BDP1: variants seen among roughly 807,000 people sequenced by gnomAD.
BDP1 encodes BDP1 general transcription factor IIIB subunit.
A neutral mutation model predicts 266.6 loss-of-function variants in BDP1; 169 were observed. The observed-to-expected ratio is 0.63, with a 90% CI of 0.56 to 0.72. The LOEUF is 0.72. Ranked by LOEUF, BDP1 falls within the 30% of genes least tolerant of loss-of-function variation. The pLI is 0.00. For missense variants in BDP1, 3,015 were observed against 3,053.8 expected (o/e 0.99, Z 0.30); for synonymous variants, 1,090 against 1,022.4 (o/e 1.07, Z -1.26).
chr5:71,466,847 AT>A (rs1221872036), intron 5 of BDP1, among the ~76,000 whole-genome samples: 2 of 152,338 alleles, frequency 1.3e-5, no homozygotes, highest in Admixed American at 6.5e-5. Context: ...TAGCATTCAC[AT>A]TCTATAATTA....
downstream of BDP1, among the ~76,000 whole-genome samples, chr5:71,569,472 C>T (rs1170863055): frequency 6.6e-6 from 1 of 152,028 alleles, no homozygotes. Context: ...TAGGGCCAGG[C>T]ACAGTGGCTC....
Position 71,545,208 on chromosome 5 carries a change from C to G in BDP1, c.6733C>G (p.Pro2245Ala), listed in dbSNP as rs367642215. 3.5e-5 allele frequency: 57 copies of G among 1,612,784 alleles called. No homozygotes were observed. Among genetic ancestry groups the G allele is most frequent in the Non-Finnish European group, 4.5e-5 (53 of 1,179,720 alleles). The change falls in exon 32 of 39, where the codon CCT becomes GCT. Residue 2245 changes from proline to alanine, a missense_variant. By Grantham distance (27) the Pro-to-Ala change is conservative. Transcript: ENST00000358731. The part of the protein sequence containing the change: ...DSKGDSVLTL[P>A]VPEYTPTSIP... ...TAAAGGAGACAGTGTGCTTACACTTCCTGTGCCAGAGGTAAAAGAATGTAC... is the reference window on the plus strand; with the variant it reads ...TAAAGGAGACAGTGTGCTTACACTTGCTGTGCCAGAGGTAAAAGAATGTAC...
chr5:71,457,967 G>T (rs1761301166), intron 1 of BDP1, among the ~76,000 whole-genome samples: 1 of 152,080 alleles, frequency 6.6e-6, no homozygotes, highest in South Asian at 2.1e-4. Flanking sequence ...TTTTTTGACT[G>T]AAGTTTATTC....
In BDP1 at chr5:71,545,145, G is replaced by T; in HGVS notation, c.6670G>T (p.Gly2224Cys). Reference protein sequence around the residue: ...PCTLGLDRGLGENSVEEPQIK... With the variant: ...PCTLGLDRGLCENSVEEPQIK... ...CACACTTGGTTTGGATAGGGGTCTT[G>T]GTGAAAATTCTGTTGAAGAGCCCCA... Residue 2224 changes from glycine to cysteine, a missense_variant, in exon 32 of 39, where the codon GGT becomes TGT. Transcript: ENST00000358731. The T allele has an allele frequency of 6.2e-7, 1 of 1,613,698 alleles. No homozygotes were observed. The highest frequency in any genetic ancestry group is 8.5e-7 in the Non-Finnish European group (1 of 1,179,898).
chr5:71,522,178 G>C, intron 22 of BDP1, 111 bp from the exon 23 acceptor site: 1 of 788,478 alleles, frequency 1.3e-6, no homozygotes, highest in Non-Finnish European at 2.1e-6. Flanking sequence ...TTTATATATA[G>C]TCCTTTGAAC....
chr5:71,511,687 T>C (rs1429426773), intron 17 of BDP1, among the ~76,000 whole-genome samples: 1 of 151,990 alleles, frequency 6.6e-6, no homozygotes, highest in Non-Finnish European at 1.5e-5. Flanking sequence ...AAAAAGTCAC[T>C]GTTATTATTA....
intron 34 of BDP1, 127 bp downstream of exon 34, chr5:71,549,733 T>G: frequency 1.3e-6 from 1 of 741,522 alleles, no homozygotes; most frequent in Non-Finnish European, 2.0e-6. Context: ...ATCATTTATG[T>G]GGTAAGTTAG....
chr5:71,513,483 C>A, intron 19 of BDP1, 76 bp downstream of exon 19: 3 of 840,804 alleles, frequency 3.6e-6, no homozygotes, highest in East Asian at 2.6e-5. Context: ...CTAAAAGCAC[C>A]TGGCATTAAA....
At chr5:71,525,799 G>A (rs866082390) in intron 25 of BDP1, among the ~76,000 whole-genome samples, 3 of 152,062 alleles carry the variant, frequency 2.0e-5, no homozygotes, top group Non-Finnish European at 2.9e-5. Context: ...CTTCCCAGAC[G>A]GGGTGGCTGC....
At chr5:71,575,817 C>T in the BDP1 span, among the ~76,000 whole-genome samples, 3 of 152,170 alleles carry the variant, frequency 2.0e-5, no homozygotes, top group Non-Finnish European at 4.4e-5. Flanking sequence ...AAAGGAGCCT[C>T]GGAATATGTT....
At position 71,458,630 on chromosome 5, in the gene BDP1, C is replaced by A. The variant is rs1344846536; in HGVS notation, c.264C>A (p.Ser88=). Residue 88 remains serine, a synonymous_variant, in exon 2 of 39, where the codon TCC becomes TCA. Transcript: ENST00000358731. ...DNDVEESSRS[S]STVSQRRKRI... is the part of the protein sequence containing the mutation. ...ATGTTGAAGAATCCAGTAGATCTTC[C>A]TCTACTGTTTCACAGAGAAGAAAGC... The A allele has an allele frequency of 6.2e-7, 1 of 1,607,944 alleles. No individual in the cohort carries two copies. Among genetic ancestry groups the A allele is most frequent in the Non-Finnish European group, 8.5e-7 (1 of 1,174,400 alleles).
In BDP1 at chr5:71,562,443, CGA is replaced by C; in HGVS notation, c.7670_7671del (p.Glu2557ValfsTer3). 1 of 1,613,756 alleles carries C rather than the reference CGA, an allele frequency of 6.2e-7. No individual in the cohort carries two copies. The highest frequency in any genetic ancestry group is 8.5e-7 in the Non-Finnish European group (1 of 1,179,808). On this transcript the variant is annotated frameshift_variant, in exon 38 of 39. Coordinates refer to ENST00000358731, the MANE Select transcript of BDP1 (RefSeq NM_018429.3). LOFTEE classifies it high-confidence loss of function. ...NPFNESQEKNRESSDLLPSPS... is the reference protein window; with the variant it reads ...NPFNESQEKNXESSDLLPSPS... ...ATTCAATGAAAGCCAGGAAAAAAAT[CGA>C]GAGTCCTCTGATCTGCTTCCATCTC... is the stretch of plus-strand genomic sequence containing the variant.
At position 71,526,206 on chromosome 5, in the gene BDP1, G is replaced by A. The variant is rs562036989; in HGVS notation, c.5772+1883G>A. On this transcript the variant is annotated intron_variant, in intron 25 of 38. Transcript: ENST00000358731. Reference sequence around the variant, plus strand: ...CATCCCGGCACCTCGGGAGGCCGAGGCTGGCGGATCACTCGCGGTTAGGAG... The same window carrying A: ...CATCCCGGCACCTCGGGAGGCCGAGACTGGCGGATCACTCGCGGTTAGGAG... Among the ~76,000 whole-genome samples the A allele has an allele frequency of 4.9e-3, 742 of 152,352 alleles. 3 individuals are homozygous for A. The highest frequency in any genetic ancestry group is 6.8e-3 in the Non-Finnish European group (462 of 68,032).
At chr5:71,505,535 A>T (rs1044249739) in intron 16 of BDP1, among the ~76,000 whole-genome samples, 4 of 152,080 alleles carry the variant, frequency 2.6e-5, no homozygotes, top group African/African-American at 9.7e-5. Flanking sequence ...AGACTGATGG[A>T]ATTACTGGTA....
Position 71,495,339 on chromosome 5 carries a change from T to G in BDP1, c.1730T>G (p.Leu577Trp). The change falls in exon 12 of 39, where the codon TTG (leucine) becomes TGG (tryptophan). Residue 577 changes from leucine to tryptophan, a missense_variant. Leu to Trp is a moderately conservative substitution (Grantham distance 61). This residue lies in a region of BDP1 where 2,383 missense variants were observed against 2,404.9 expected (regional missense o/e 0.99). Coordinates refer to ENST00000358731, the MANE Select transcript of BDP1 (RefSeq NM_018429.3). The part of the protein sequence containing the change: ...LPSFEVGIRA[L>W]CEVNNAEGSC... Reference sequence around the variant, plus strand: ...TCATTCGAAGTTGGAATTAGAGCATTGTGTGAGGTGAATAATGCTGAGGGT... The same window carrying G: ...TCATTCGAAGTTGGAATTAGAGCATGGTGTGAGGTGAATAATGCTGAGGGT... The G allele has an allele frequency of 6.2e-7, 1 of 1,606,656 alleles. No homozygotes were observed.
At chr5:71,569,043 A>G (rs1042926045), downstream of BDP1, among the ~76,000 whole-genome samples, 17 of 152,224 alleles carry the variant, frequency 1.1e-4, no homozygotes, top group East Asian at 3.8e-4. Context: ...AAAGGTACCA[A>G]TCGCCAACTG....
intron 16 of BDP1, among the ~76,000 whole-genome samples, chr5:71,506,824 C>CACACACACACACACA (rs1764615685): frequency 3.0e-5 from 2 of 65,680 alleles, no homozygotes; most frequent in South Asian, 6.7e-4. Context: ...CACACACACA[C>CACACACACACACACA]CCATATTTTT....
rs552970901 is a variant in BDP1 at position 71,565,096 on chromosome 5, T to G, written c.*211T>G. On this transcript the variant is annotated 3_prime_UTR_variant, in exon 39 of 39. Transcript: ENST00000358731. ...TCTGACTGATTCAGCATTTTGCAAA[T>G]AGCAAGCAATTAAGACTGCTTTCTC... is the stretch of plus-strand genomic sequence containing the variant. The G allele has an allele frequency of 2.8e-5, 14 of 492,334 alleles. No homozygotes were observed. The highest frequency in any genetic ancestry group is 1.8e-4 in the African/African-American group (9 of 51,066). 30.5% of individuals were successfully genotyped at this position (492,334 alleles called of 1,614,324 possible). A position where few individuals can be genotyped will look rare whatever the true frequency, so the allele number is the denominator to read the frequency against.
At chr5:71,556,553 A>G (rs1343138088) in intron 35 of BDP1, among the ~76,000 whole-genome samples, 1 of 152,240 alleles carries the variant, frequency 6.6e-6, no homozygotes, top group Admixed American at 6.5e-5. Context: ...ATTAGATTTC[A>G]TAGTGTCAGA....
Sources: allele counts gnomAD v4.1 joint callset (sites outside exome capture counted in the v4.1 genomes callset), GRCh38; gene constraint gnomAD v4.1.1; regional missense constraint gnomAD v4.1.1; transcripts MANE v1.5; gene names NCBI Gene and HGNC (gene_info 2026-07-23, HGNC 2026-07-21).